Variants in SEC31A observed in about 807,000 individuals in gnomAD.
SEC31A encodes the protein protein transport protein Sec31A.
Under a neutral mutation model 151.0 loss-of-function variants are expected in SEC31A, and 70 were observed. That is an observed-to-expected ratio of 0.46 (90% CI 0.38 to 0.57). The LOEUF is 0.57. Ranked by LOEUF, SEC31A falls within the 20% of genes least tolerant of loss-of-function variation. The probability of loss-of-function intolerance (pLI) is 0.00; values close to 1 mark genes in which losing one functional copy is unlikely to be tolerated. For synonymous variants in SEC31A, 475 were observed against 505.9 expected, an observed-to-expected ratio of 0.94 and a Z score of 0.82; for missense variants, 1,330 against 1,471.2, an observed-to-expected ratio of 0.90 and a Z score of 1.57.
Position 82,864,511 on chromosome 4 carries a change from T to C in SEC31A, c.1285A>G (p.Ile429Val), listed in dbSNP as rs1449014882. The change falls in exon 11 of 27, where the codon ATT (isoleucine) becomes GTT (valine). Residue 429 changes from isoleucine (I) to valine (V), a missense_variant. Coordinates refer to ENST00000395310, the MANE Select transcript of SEC31A (RefSeq NM_001077207.4). ...TCCTTTTCTGTTACAACCTGACTAA[T>C]GAACACATGGTGCTGCTGCTGCTGC... ...EQQQQQHHVF[I>V]SQVVTEKEFL... is the part of the protein sequence containing the mutation. The C allele has an allele frequency of 1.2e-6, 2 of 1,614,160 alleles. No homozygotes were observed. The highest frequency in any genetic ancestry group is 1.7e-5 in the Admixed American group (1 of 60,016).
upstream of SEC31A, chr4:82,895,803 ATTGTGCAGAAACACAATAT>A (rs1443467815): frequency 1.3e-5 from 2 of 152,244 alleles, no homozygotes; most frequent in Admixed American, 1.3e-4. Flanking sequence ...AAAGGAACTC[ATTGTGCAGAAACACAATAT>A]ATACAAGTCT....
intron 22 of SEC31A, chr4:82,830,915 G>A (rs1578136378): frequency 8.7e-7 from 1 of 1,148,838 alleles, no homozygotes; most frequent in East Asian, 6.1e-5. Context: ...ATTTCCAAAG[G>A]TATATTTTAC....
rs1292766446 is a variant in SEC31A at position 82,827,953 on chromosome 4, C to T, written c.3028-321G>A. Reference sequence around the variant, plus strand: ...TTTTTGAGATAGAGTCCCGCTCTGTCGCCCAGGCTGAAGTGCAATAGCGCA... The same window carrying T: ...TTTTTGAGATAGAGTCCCGCTCTGTTGCCCAGGCTGAAGTGCAATAGCGCA... On this transcript the variant is annotated intron_variant, in intron 23 of 26. Coordinates refer to ENST00000395310, the MANE Select transcript of SEC31A (RefSeq NM_001077207.4). 6.0e-5 allele frequency among the ~76,000 whole-genome samples: 9 copies of T among 150,908 alleles called. 1 individual carries two copies. Among genetic ancestry groups the T allele is most frequent in the Non-Finnish European group, 1.2e-4 (8 of 67,876 alleles).
chr4:82,836,126 G>C (rs184797532), intron 22 of SEC31A, among the ~76,000 whole-genome samples: 20 of 152,220 alleles, frequency 1.3e-4, no homozygotes, highest in Admixed American at 1.2e-3. Flanking sequence ...TGTAATCCCA[G>C]CACTTTGGGA....
intron 22 of SEC31A, among the ~76,000 whole-genome samples, chr4:82,834,175 T>C (rs1056385822): frequency 2.0e-5 from 3 of 152,220 alleles, no homozygotes; most frequent in African/African-American, 4.8e-5. Context: ...TGCATTCCAA[T>C]AGAGGACTGA....
At chr4:82,841,702 T>G (rs1728917249) in intron 22 of SEC31A, among the ~76,000 whole-genome samples, 1 of 151,344 alleles carries the variant, frequency 6.6e-6, no homozygotes. Context: ...CCAGGTTCAG[T>G]GGCTCACACC....
intron 21 of SEC31A, 127 bp from the exon 22 acceptor site, chr4:82,842,608 A>G (rs779825030): frequency 9.5e-5 from 69 of 723,650 alleles, no homozygotes; most frequent in Non-Finnish European, 2.9e-5. Flanking sequence ...ATCCCAAATT[A>G]AAAATTTACA....
intron 22 of SEC31A, among the ~76,000 whole-genome samples, chr4:82,832,329 T>C (rs187553883): frequency 6.6e-6 from 1 of 152,242 alleles, no homozygotes; most frequent in East Asian, 1.9e-4. Flanking sequence ...ATTTAATAAA[T>C]GGTGTTGGGG....
intron 25 of SEC31A, among the ~76,000 whole-genome samples, chr4:82,823,130 C>T (rs1364606039): frequency 6.6e-6 from 1 of 152,132 alleles, no homozygotes; most frequent in Non-Finnish European, 1.5e-5. Flanking sequence ...TCTCTACTAC[C>T]CAGAGCTCCT....
chr4:82,866,725 C>A, intron 10 of SEC31A, 83 bp downstream of exon 10: 2 of 1,177,528 alleles, frequency 1.7e-6, no homozygotes, highest in Non-Finnish European at 2.3e-6. Flanking sequence ...ACCCTGATTG[C>A]TTCCATCAGA....
intron 11 of SEC31A, 29 bp from the exon 12 acceptor site, chr4:82,863,421 C>T: frequency 7.2e-7 from 1 of 1,394,428 alleles, no homozygotes. Context: ...ATTCTTAAAA[C>T]AAAGACCTAC....
intron 1 of SEC31A, 90 bp downstream of exon 1, chr4:82,890,998 A>G (rs974371272): frequency 3.3e-6 from 5 of 1,518,054 alleles, no homozygotes; most frequent in African/African-American, 1.4e-5. Context: ...GGGGCAGCGG[A>G]GACCCAGGCT....
rs10025654 is a variant in SEC31A at position 82,874,653 on chromosome 4, T to C, written c.597A>G (p.Arg199=). 0.54 allele frequency: 871,789 copies of C among 1,611,056 alleles called. 246,683 individuals are homozygous for C. The highest frequency in any genetic ancestry group is 0.68 in the Admixed American group (39,995 of 59,012). The change falls in exon 6 of 27, where the codon AGA becomes AGG. Residue 199 remains arginine, a synonymous_variant. Coordinates refer to ENST00000395310, the MANE Select transcript of SEC31A (RefSeq NM_001077207.4). Reference sequence around the variant, plus strand: ...TGACTTTGATGATTGGCTCATTTTTTCTAAGATCCCATACAGTGGCCCGGC... The same window carrying C: ...TGACTTTGATGATTGGCTCATTTTTCCTAAGATCCCATACAGTGGCCCGGC... The part of the protein sequence containing the change: ...PSGRATVWDL[R]KNEPIIKVSD...
intron 6 of SEC31A, among the ~76,000 whole-genome samples, chr4:82,872,793 C>A (rs920511594): frequency 6.6e-6 from 1 of 152,122 alleles, no homozygotes; most frequent in South Asian, 2.1e-4. Flanking sequence ...GCCACCTCCG[C>A]CTCCCAGGTT....
chr4:82,867,327 A>G lies in SEC31A; in HGVS notation c.883-11T>C, dbSNP rs779775443. On this transcript the variant is annotated splice_polypyrimidine_tract_variant and intron_variant, in intron 8 of 26. Transcript: ENST00000395310. Reference sequence around the variant, plus strand: ...AAGTTCATATAACACCTAGGCCAACAAAAAACAAACAACAAAACTCAGAAA... The same window carrying G: ...AAGTTCATATAACACCTAGGCCAACGAAAAACAAACAACAAAACTCAGAAA... 30 of 1,610,606 alleles carry G rather than the reference A, an allele frequency of 1.9e-5. No individual in the cohort carries two copies. The Admixed American group carries it at 5.0e-4, about 27-fold the overall frequency.
chr4:82,864,563 T>G lies in SEC31A; in HGVS notation c.1233A>C (p.Arg411Ser). The part of the protein sequence containing the change: ...GGKLVTFENV[R>S]MPSHQGAEQQ... Reference sequence around the variant, plus strand: ...GCTCAGCTCCCTGATGAGAAGGCATTCTGACATTCTCAAACGTAACCAGTT... The same window carrying G: ...GCTCAGCTCCCTGATGAGAAGGCATGCTGACATTCTCAAACGTAACCAGTT... Residue 411 changes from arginine (R) to serine (S), a missense_variant, in exon 11 of 27, where the codon AGA becomes AGC. Arg to Ser is a moderately radical substitution (Grantham distance 110). Coordinates refer to ENST00000395310, the MANE Select transcript of SEC31A (RefSeq NM_001077207.4). 2 of 1,614,038 alleles carry G rather than the reference T, an allele frequency of 1.2e-6. No individual in the cohort carries two copies. The highest frequency in any genetic ancestry group is 1.7e-6 in the Non-Finnish European group (2 of 1,180,000).
At chr4:82,883,944 C>A (rs1472141030) in intron 1 of SEC31A, among the ~76,000 whole-genome samples, 1 of 149,118 alleles carries the variant, frequency 6.7e-6, no homozygotes, top group Non-Finnish European at 1.5e-5. Flanking sequence ...TCTGTCATCT[C>A]TTCTGTCTAG....
At chr4:82,882,570 T>A (rs749752251) in intron 1 of SEC31A, among the ~76,000 whole-genome samples, 7 of 152,106 alleles carry the variant, frequency 4.6e-5, no homozygotes, top group South Asian at 2.1e-4. Context: ...TTGCTACACA[T>A]GTGTTTATCC....
chr4:82,872,396 C>T (rs1736909918), intron 6 of SEC31A, among the ~76,000 whole-genome samples: 1 of 152,112 alleles, frequency 6.6e-6, no homozygotes, highest in South Asian at 2.1e-4. Flanking sequence ...ACCATGTTGG[C>T]CAGGCTGGTC....
Sources: allele counts gnomAD v4.1 joint callset (sites outside exome capture counted in the v4.1 genomes callset), GRCh38; gene constraint gnomAD v4.1.1; transcripts MANE v1.5; gene names NCBI Gene and HGNC (gene_info 2026-07-23, HGNC 2026-07-21).